The following HPS4 variants were observed in gnomAD, a reference collection of about 807,000 sequenced individuals.
The protein encoded by HPS4 is BLOC-3 complex member HPS4.
In HPS4, 44 loss-of-function variants were observed where a neutral mutation model predicts 70.3. The ratio of observed to expected loss-of-function variants is 0.63; its 90% CI spans 0.49 to 0.80. The LOEUF (loss-of-function observed/expected upper bound fraction) is 0.80. Ranked by LOEUF, HPS4 falls within the 30% of genes least tolerant of loss-of-function variation. The pLI, the probability that HPS4 is intolerant of heterozygous loss-of-function variation, is 0.00. For synonymous variants in HPS4, 377 were observed against 355.9 expected (o/e 1.06, Z -0.67); for missense variants, 873 against 884.4 (o/e 0.99, Z 0.16).
In HPS4 at chr22:26,452,004, GCACA is replaced by G. The variant is rs134978; in HGVS notation, c.*1225_*1228del. ...CCACGTTACGCGCGCGCGCGCGCGCGCACACACACACACACACACACACACACAC... is the reference window on the plus strand; with the variant it reads ...CCACGTTACGCGCGCGCGCGCGCGCGCACACACACACACACACACACACAC... On this transcript the variant is annotated 3_prime_UTR_variant, in exon 14 of 14. Coordinates refer to ENST00000398145, the MANE Select transcript of HPS4 (RefSeq NM_022081.6). 820 of 106,166 alleles carry G rather than the reference GCACA, an allele frequency of 7.7e-3. 7 individuals are homozygous for G. The highest frequency in any genetic ancestry group is 0.028 in the Admixed American group (343 of 12,142). The allele number at this position is 106,166 out of a possible 1,614,324, so 6.6% of individuals were successfully genotyped here.
intron 4 of HPS4, among the ~76,000 whole-genome samples, chr22:26,473,751 AAAG>A (rs1431719580): frequency 5.3e-5 from 8 of 152,214 alleles, no homozygotes; most frequent in Admixed American, 5.2e-4. Flanking sequence ...CAAAAAAAAA[AAAG>A]TACTTGCTGA....
intron 4 of HPS4, chr22:26,476,230 G>A (rs2090527442): frequency 6.6e-6 from 1 of 152,048 alleles, no homozygotes. Context: ...TACCTACAAA[G>A]TTGAATATAG....
Position 26,453,143 on chromosome 22 carries a change from A to G in HPS4, c.*90T>C. 1 of 1,328,672 alleles carries G rather than the reference A, an allele frequency of 7.5e-7. No homozygotes were observed. Among genetic ancestry groups the G allele is most frequent in the East Asian group, 2.3e-5 (1 of 43,212 alleles). 82.3% of individuals were successfully genotyped at this position (1,328,672 alleles called of 1,614,324 possible). On this transcript the variant is annotated 3_prime_UTR_variant, in exon 14 of 14. Transcript: ENST00000398145. ...GTTCCTAAAAAAGGGAATGTTTTCA[A>G]GAAAAATAAAATAGAGGGGCCTTTT...
In HPS4 at chr22:26,476,947, A is replaced by C. The variant is rs746216965; in HGVS notation, c.276+46T>G. 33 of 1,604,824 alleles carry C rather than the reference A, an allele frequency of 2.1e-5. 1 individual carries two copies. The African/African-American group carries it at 4.3e-4, about 21-fold the overall frequency. On this transcript the variant is annotated intron_variant, in intron 4 of 13. Coordinates refer to ENST00000398145, the MANE Select transcript of HPS4 (RefSeq NM_022081.6). ...ACTCAGAAACAACATAACTTCCTAA[A>C]CTTATCATTGCAACACTTCAGCACT... is the stretch of plus-strand genomic sequence containing the variant.
chr22:26,445,876 T>C (rs932445056), intron 3 of HPS4, among the ~76,000 whole-genome samples: 7 of 152,134 alleles, frequency 4.6e-5, no homozygotes, highest in African/African-American at 1.7e-4. Context: ...AGCTGTGTTT[T>C]TCATGTTTTT....
rs1601759497 is a variant in HPS4, at chr22:26,452,574, A to G, written c.*659T>C. ...CCAGAGCTTTTATAAAGGGATCTCT[A>G]AAGCCCAAACTCCCTTCCATATTAT... On this transcript the variant is annotated 3_prime_UTR_variant, in exon 14 of 14. Transcript: ENST00000398145. 3.1e-6 allele frequency: 1 copy of G among 326,968 alleles called. No homozygotes were observed. The highest frequency in any genetic ancestry group is 2.2e-5 in the African/African-American group (1 of 46,122). The allele number at this position is 326,968 out of a possible 1,614,324, so 20.3% of individuals were successfully genotyped here.
chr22:26,453,237 AGCAAGTTCAC>A lies in HPS4; in HGVS notation c.2113_2122del (p.Val705SerfsTer22). ...CAGTCACCTCCTGGGTGCAGTTCAG[AGCAAGTTCAC>A]CCCGTGCTTCAGCAGCTTCTGCTTT... is the stretch of plus-strand genomic sequence containing the variant. On this transcript the variant is annotated frameshift_variant, in exon 14 of 14. Transcript: ENST00000398145. LOFTEE classifies it high-confidence loss of function. 1 of 1,614,186 alleles carries A rather than the reference AGCAAGTTCAC, an allele frequency of 6.2e-7. No individual in the cohort carries two copies.
At position 26,452,159 on chromosome 22, in the gene HPS4, C is replaced by A; in HGVS notation, c.*1074G>T. On this transcript the variant is annotated 3_prime_UTR_variant, in exon 14 of 14. Transcript: ENST00000398145. ...GGAAGCTTGTTTCAAGAAAAAGACA[C>A]CATATCATAAACATCAGATATCAGT... 3.0e-6 allele frequency: 1 copy of A among 335,812 alleles called. No individual in the cohort carries two copies. Among genetic ancestry groups the A allele is most frequent in the Admixed American group, 4.3e-5 (1 of 23,222 alleles). The allele number at this position is 335,812 out of a possible 1,614,324, so 20.8% of individuals were successfully genotyped here. A position where few individuals can be genotyped will look rare whatever the true frequency, so the allele number is the denominator to read the frequency against.
chr22:26,474,967 C>A (rs2090327211), intron 4 of HPS4, among the ~76,000 whole-genome samples: 1 of 152,186 alleles, frequency 6.6e-6, no homozygotes, highest in African/African-American at 2.4e-5. Flanking sequence ...AATTCTCATA[C>A]ATTCTTGGTA....
chr22:26,468,496 A>T, intron 8 of HPS4, 55 bp downstream of exon 8: 1 of 1,482,774 alleles, frequency 6.7e-7, no homozygotes, highest in African/African-American at 1.4e-5. Flanking sequence ...CCTCAGGCTC[A>T]GTGACCAGTG....
downstream of HPS4, chr22:26,443,409 G>T: frequency 1.9e-6 from 1 of 527,716 alleles, no homozygotes; most frequent in South Asian, 2.2e-5. Flanking sequence ...TATTTCCTTA[G>T]ATTTTTTTTT....
intron 5 of HPS4, 147 bp downstream of exon 5, chr22:26,472,685 G>T: frequency 1.3e-6 from 1 of 782,730 alleles, no homozygotes; most frequent in East Asian, 2.4e-5. Context: ...AAAGGCATAT[G>T]AGGGGCCTCC....
chr22:26,471,348 A>C (rs1264483669), intron 6 of HPS4: 1 of 456,196 alleles, frequency 2.2e-6, no homozygotes, highest in South Asian at 1.5e-5. Flanking sequence ...AATATGCCTC[A>C]GTTCCACATT....
In HPS4 at chr22:26,468,571, G is replaced by A. The variant is rs119471023; in HGVS notation, c.649C>T (p.Arg217Ter). 4.3e-5 allele frequency: 69 copies of A among 1,613,944 alleles called. No homozygotes were observed. Among genetic ancestry groups the A allele is most frequent in the Non-Finnish European group, 5.3e-5 (63 of 1,179,978 alleles). The change falls in exon 8 of 14, where the codon CGA becomes TGA. Residue 217 changes from arginine (R) to a stop codon, truncating the protein, a stop_gained. Transcript: ENST00000398145. LOFTEE classifies it high-confidence loss of function. ...AATACCTGCTCCTGAGGTGCTGTTCGGTGAAGCAGGACCTTGGCGGTGAGG... is the reference window on the plus strand; with the variant it reads ...AATACCTGCTCCTGAGGTGCTGTTCAGTGAAGCAGGACCTTGGCGGTGAGG... ...PSLTAKVLLH[R>*]TAPQEQRLPT...
At position 26,464,146 on chromosome 22, in the gene HPS4, T is replaced by C. The variant is rs1229168510; in HGVS notation, c.1484A>G (p.Asp495Gly). Residue 495 changes from aspartate to glycine, a missense_variant, in exon 11 of 14, where the codon GAT becomes GGT. By Grantham distance (94) the Asp-to-Gly change is moderately conservative. Coordinates refer to ENST00000398145, the MANE Select transcript of HPS4 (RefSeq NM_022081.6). Reference protein sequence around the residue: ...TGEQGLDEDVDGVCESHAAPG... With the variant: ...TGEQGLDEDVGGVCESHAAPG... ...GGCTGCGTGGCTTTCACAGACCCCATCAACATCCTCATCCAGGCCTTGTTC... is the reference window on the plus strand; with the variant it reads ...GGCTGCGTGGCTTTCACAGACCCCACCAACATCCTCATCCAGGCCTTGTTC... 2.5e-6 allele frequency: 4 copies of C among 1,614,116 alleles called. No homozygotes were observed. Among genetic ancestry groups the C allele is most frequent in the Non-Finnish European group, 3.4e-6 (4 of 1,180,048 alleles).
At position 26,466,408 on chromosome 22, in the gene HPS4, TG is replaced by T. The variant is rs2088630071; in HGVS notation, c.670-147del. Reference sequence around the variant, plus strand: ...AACCACATGCTAAGAGCCAAGCAGATGGAACAGAAGCTCCCCCAAGCTGCTG... The same window carrying T: ...AACCACATGCTAAGAGCCAAGCAGATGAACAGAAGCTCCCCCAAGCTGCTG... On this transcript the variant is annotated intron_variant, in intron 8 of 13. Coordinates refer to ENST00000398145, the MANE Select transcript of HPS4 (RefSeq NM_022081.6). 2.6e-5 allele frequency: 23 copies of T among 873,030 alleles called. No individual in the cohort carries two copies. The South Asian group carries it at 3.1e-4, about 12-fold the overall frequency. 54.1% of individuals were successfully genotyped at this position (873,030 alleles called of 1,614,324 possible).
chr22:26,481,866 C>T lies in HPS4; in HGVS notation c.-104G>A. 4 of 1,154,752 alleles carry T rather than the reference C, an allele frequency of 3.5e-6. No homozygotes were observed. Among genetic ancestry groups the T allele is most frequent in the Non-Finnish European group, 3.9e-6 (3 of 764,576 alleles). 71.5% of individuals were successfully genotyped at this position (1,154,752 alleles called of 1,614,324 possible). A position where few individuals can be genotyped will look rare whatever the true frequency, so the allele number is the denominator to read the frequency against. The stretch of plus-strand genomic sequence containing the variant: ...TCCTCTATCCCCCAATCCAGTGAAT[C>T]TGGACGTGGTAGGTTTCAGTGTTTT... On this transcript the variant is annotated 5_prime_UTR_variant, in exon 2 of 14. Coordinates refer to ENST00000398145, the MANE Select transcript of HPS4 (RefSeq NM_022081.6).
At position 26,472,355 on chromosome 22, in the gene HPS4, T is replaced by C. The variant is rs777668009; in HGVS notation, c.448A>G (p.Thr150Ala). The change falls in exon 6 of 14, where the codon ACC becomes GCC. Residue 150 changes from threonine to alanine, a missense_variant. Coordinates refer to ENST00000398145, the MANE Select transcript of HPS4 (RefSeq NM_022081.6). Reference protein sequence around the residue: ...DTFIEQILKNTSDLHKIFNSL... With the variant: ...DTFIEQILKNASDLHKIFNSL... ...TTGAAAATCTTATGCAGATCACTGGTGTTTTTCAGAATTTGCTCGATGAAG... is the reference window on the plus strand; with the variant it reads ...TTGAAAATCTTATGCAGATCACTGGCGTTTTTCAGAATTTGCTCGATGAAG... The C allele has an allele frequency of 2.2e-5, 35 of 1,613,870 alleles. No homozygotes were observed. The South Asian group carries it at 3.7e-4, about 17-fold the overall frequency.
chr22:26,481,925 A>C lies in HPS4; in HGVS notation c.-163T>G. The C allele has an allele frequency of 1.4e-6, 1 of 706,734 alleles. No individual in the cohort carries two copies. Among genetic ancestry groups the C allele is most frequent in the Non-Finnish European group, 2.6e-6 (1 of 389,480 alleles). The allele number at this position is 706,734 out of a possible 1,614,324, so 43.8% of individuals were successfully genotyped here. ...ACTGCCACTTGGTTAGTTTTCACTC[A>C]GCATGGAAAGTTCCACTTCCCTTCC... On this transcript the variant is annotated 5_prime_UTR_variant, in exon 2 of 14. Transcript: ENST00000398145.
Sources: gnomAD v4.1 joint callset for allele counts (sites outside exome capture counted in the v4.1 genomes callset) on GRCh38, gnomAD v4.1.1 for gene constraint, MANE v1.5 for transcripts, NCBI Gene and HGNC (gene_info 2026-07-23, HGNC 2026-07-21) for gene names.